Variants in NEMP1 observed in about 807,000 individuals in gnomAD.
The protein encoded by NEMP1 is nuclear envelope integral membrane protein 1, also known as transmembrane protein 194.
A neutral mutation model predicts 53.7 loss-of-function variants in NEMP1; 29 were observed. The ratio of observed to expected loss-of-function variants is 0.54; its 90% CI spans 0.40 to 0.74. The LOEUF (loss-of-function observed/expected upper bound fraction) is 0.74. Ranked by LOEUF, NEMP1 falls within the 30% of genes least tolerant of loss-of-function variation. NEMP1 has a pLI of 0.00. For synonymous variants in NEMP1, 193 were observed against 192.9 expected (o/e 1.00, Z 0.00); for missense variants, 477 against 528.6 (o/e 0.90, Z 0.96).
At chr12:57,072,364 C>T (rs1022698713) in intron 2 of NEMP1, among the ~76,000 whole-genome samples, 5 of 152,192 alleles carry the variant, frequency 3.3e-5, no homozygotes, top group African/African-American at 7.2e-5. Flanking sequence ...CGCTTGAACC[C>T]GGGAGGCAGA....
chr12:57,060,373 C>CATT (rs1294843941), intron 8 of NEMP1, among the ~76,000 whole-genome samples: 1 of 152,168 alleles, frequency 6.6e-6, no homozygotes, highest in Non-Finnish European at 1.5e-5. Context: ...GATTAAGGGG[C>CATT]ATTACAGTTA....
At chr12:57,078,854 G>C (rs1352931109), upstream of NEMP1, 7 of 1,288,302 alleles carry the variant, frequency 5.4e-6, no homozygotes, top group Non-Finnish European at 7.5e-6. Context: ...CAACCAATGG[G>C]ATGGGCAGGG....
chr12:57,081,106 G>A (rs1412189682), upstream of NEMP1, among the ~76,000 whole-genome samples: 1 of 152,036 alleles, frequency 6.6e-6, no homozygotes, highest in South Asian at 2.1e-4. Flanking sequence ...TTAACTCTGT[G>A]GTTTTCCTTC....
chr12:57,063,584 A>G (rs923967070), intron 6 of NEMP1, among the ~76,000 whole-genome samples: 8 of 152,254 alleles, frequency 5.3e-5, no homozygotes, highest in African/African-American at 1.9e-4. Flanking sequence ...ACCCTGAAAT[A>G]GACTATTTTA....
rs1030920201 is a variant in NEMP1 at position 57,057,705 on chromosome 12, A to G, written c.*2174T>C. The G allele has an allele frequency of 3.3e-5, 5 of 152,126 alleles. No individual in the cohort carries two copies. Among genetic ancestry groups the G allele is most frequent in the Admixed American group, 2.0e-4 (3 of 15,268 alleles). 9.4% of individuals were successfully genotyped at this position (152,126 alleles called of 1,614,324 possible). ...TTCACCTCAAGTCTAAACACGGTGG[A>G]AAAAAAACTGGTCTAGAGATGGAAA... On this transcript the variant is annotated 3_prime_UTR_variant, in exon 9 of 9. Transcript: ENST00000300128.
chr12:57,068,349 C>T (rs542972665), intron 4 of NEMP1, among the ~76,000 whole-genome samples: 3 of 151,218 alleles, frequency 2.0e-5, no homozygotes, highest in East Asian at 3.9e-4. Context: ...TGAATAAACA[C>T]TTGATTTTTT....
chr12:57,064,206 G>A, intron 5 of NEMP1, 21 bp from the exon 6 acceptor site: 5 of 1,493,576 alleles, frequency 3.3e-6, no homozygotes, highest in African/African-American at 1.4e-5. Context: ...GAGTAGAAGT[G>A]AAAGCAAAAA....
At chr12:57,067,395 C>T (rs1395925098) in intron 4 of NEMP1, among the ~76,000 whole-genome samples, 1 of 151,206 alleles carries the variant, frequency 6.6e-6, no homozygotes. Flanking sequence ...ATAATTGCAA[C>T]AGCAGCATCA....
intron 1 of NEMP1, among the ~76,000 whole-genome samples, chr12:57,085,363 T>C (rs369210895): frequency 5.9e-5 from 9 of 152,270 alleles, no homozygotes; most frequent in African/African-American, 2.2e-4. Flanking sequence ...AATCTCATAC[T>C]GACTGCATCA....
upstream of NEMP1, chr12:57,078,878 G>C (rs1424512451): frequency 1.0e-6 from 1 of 991,128 alleles, no homozygotes; most frequent in Non-Finnish European, 1.5e-6. Flanking sequence ...CGAGCACCCA[G>C]CCCTCCAAGG....
chr12:57,078,755 A>T lies in NEMP1; in HGVS notation c.-10T>A, dbSNP rs1435224391. ...TCATTCCTCCCGCCATGGTTGCCTCAAGCCACCTCCTCCTCACGTGCCTTA... is the reference window on the plus strand; with the variant it reads ...TCATTCCTCCCGCCATGGTTGCCTCTAGCCACCTCCTCCTCACGTGCCTTA... On this transcript the variant is annotated 5_prime_UTR_variant, in exon 1 of 9. Transcript: ENST00000300128. The T allele has an allele frequency of 1.2e-6, 2 of 1,608,504 alleles. No homozygotes were observed. Among genetic ancestry groups the T allele is most frequent in the South Asian group, 1.1e-5 (1 of 90,596 alleles).
chr12:57,076,904 G>A (rs2032648845), intron 1 of NEMP1, among the ~76,000 whole-genome samples: 2 of 124,242 alleles, frequency 1.6e-5, no homozygotes, highest in South Asian at 6.0e-4. Flanking sequence ...AACCGAGATT[G>A]CACCACTGCA....
intron 1 of NEMP1, among the ~76,000 whole-genome samples, chr12:57,077,411 T>G (rs1313254305): frequency 2.0e-5 from 3 of 150,256 alleles, no homozygotes; most frequent in Non-Finnish European, 3.0e-5. Context: ...GGCAGGAGAA[T>G]CATTTAAACC....
intron 7 of NEMP1, 88 bp downstream of exon 7, chr12:57,063,031 C>A: frequency 1.0e-6 from 1 of 983,630 alleles, no homozygotes; most frequent in Non-Finnish European, 1.6e-6. Flanking sequence ...AACAAAGAAG[C>A]TCCCAGGTCA....
chr12:57,081,770 G>A (rs1291068583), upstream of NEMP1, among the ~76,000 whole-genome samples: 1 of 149,582 alleles, frequency 6.7e-6, no homozygotes, highest in Non-Finnish European at 1.5e-5. Context: ...AGTCGGGCGT[G>A]GTGGCAGGTA....
Position 57,056,268 on chromosome 12 carries a change from G to C in NEMP1, c.*3611C>G, listed in dbSNP as rs2031517990. On this transcript the variant is annotated 3_prime_UTR_variant, in exon 9 of 9. Coordinates refer to ENST00000300128, the MANE Select transcript of NEMP1 (RefSeq NM_001130963.2). ...TCTAGAATCAACTCAATTGTAACCT[G>C]AATTCATAAGCTTAAGTCACCAAAA... The C allele has an allele frequency of 6.6e-6, 1 of 151,918 alleles. No homozygotes were observed. Among genetic ancestry groups the C allele is most frequent in the South Asian group, 2.1e-4 (1 of 4,828 alleles). 9.4% of individuals were successfully genotyped at this position (151,918 alleles called of 1,614,324 possible).
At chr12:57,060,142 C>T (rs756140651) in intron 8 of NEMP1, 83 bp from the exon 9 acceptor site, 3 of 1,248,404 alleles carry the variant, frequency 2.4e-6, no homozygotes, top group Non-Finnish European at 3.4e-6. Context: ...AATTAAAGCC[C>T]TCGATATGCT....
At chr12:57,077,042 G>C (rs1172190350) in intron 1 of NEMP1, among the ~76,000 whole-genome samples, 1 of 151,956 alleles carries the variant, frequency 6.6e-6, no homozygotes, top group Non-Finnish European at 1.5e-5. Flanking sequence ...CATTTACAAA[G>C]AATTTTAAGG....
At position 57,059,917 on chromosome 12, in the gene NEMP1, G is replaced by C. The variant is rs771054214; in HGVS notation, c.1297C>G (p.Arg433Gly). 1.2e-6 allele frequency: 2 copies of C among 1,613,712 alleles called. No individual in the cohort carries two copies. The highest frequency in any genetic ancestry group is 2.7e-5 in the African/African-American group (2 of 74,852). Residue 433 changes from arginine (R) to glycine (G), a missense_variant, in exon 9 of 9, where the codon CGG becomes GGG. By Grantham distance (125) the Arg-to-Gly change is moderately radical. Transcript: ENST00000300128. ...ASSEEEDSYS[R>G]CPAITQNNFL... ...TTGTTCTGTGTGATAGCAGGACACC[G>C]AGAATATGAGTCCTCCTCCTCAGAG...
Sources: allele counts gnomAD v4.1 joint callset (sites outside exome capture counted in the v4.1 genomes callset), GRCh38; gene constraint gnomAD v4.1.1; transcripts MANE v1.5; gene names NCBI Gene and HGNC (gene_info 2026-07-23, HGNC 2026-07-21).